Variants in CCDC73 observed in about 807,000 individuals in gnomAD.
CCDC73 encodes the protein coiled-coil domain containing 73.
Under a neutral mutation model 116.5 loss-of-function variants are expected in CCDC73, and 95 were observed. The observed-to-expected ratio is 0.82, with a 90% CI of 0.69 to 0.97. CCDC73 has a LOEUF of 0.97. Among genes scored for constraint, CCDC73 ranks in the 50% least tolerant of loss-of-function variants. CCDC73 has a pLI of 0.00. For synonymous variants in CCDC73, 398 were observed against 401.3 expected (o/e 0.99, Z 0.10); for missense variants, 1,066 against 1,206.8 (o/e 0.88, Z 1.73).
intron 2 of CCDC73, among the ~76,000 whole-genome samples, chr11:32,733,259 T>C (rs1365483848): frequency 6.6e-6 from 1 of 152,030 alleles, no homozygotes; most frequent in Non-Finnish European, 1.5e-5. Context: ...GAGCACCCAG[T>C]TTCATAAAGC....
At chr11:32,776,987 ATG>A (rs1192587784) in intron 1 of CCDC73, among the ~76,000 whole-genome samples, 683 of 39,230 alleles carry the variant, frequency 0.017, 9 homozygotes, top group South Asian at 0.061. Flanking sequence ...ATATATACAC[ATG>A]TATATATATA....
chr11:32,764,044 G>A (rs533599023), intron 1 of CCDC73, among the ~76,000 whole-genome samples: 1 of 152,290 alleles, frequency 6.6e-6, no homozygotes, highest in Admixed American at 6.5e-5. Context: ...GAAACAAAGC[G>A]AGAAGAGAAG....
chr11:32,607,800 A>G (rs1439211573), intron 17 of CCDC73, among the ~76,000 whole-genome samples: 1 of 105,286 alleles, frequency 9.5e-6, no homozygotes, highest in Non-Finnish European at 2.1e-5. Flanking sequence ...TAATAAAGAT[A>G]CTGGAGACTG....
intron 13 of CCDC73, among the ~76,000 whole-genome samples, chr11:32,637,219 G>A (rs910769325): frequency 3.3e-5 from 5 of 151,526 alleles, no homozygotes; most frequent in African/African-American, 4.8e-5. Context: ...CACTATGTTG[G>A]CCAGGCTGGT....
At chr11:32,740,355 C>T (rs1256589217) in intron 2 of CCDC73, among the ~76,000 whole-genome samples, 1 of 152,004 alleles carries the variant, frequency 6.6e-6, no homozygotes, top group Non-Finnish European at 1.5e-5. Flanking sequence ...CTTTTTACTA[C>T]AGCTTCTGCC....
chr11:32,788,838 C>G (rs1292291578), intron 1 of CCDC73, among the ~76,000 whole-genome samples: 2 of 152,040 alleles, frequency 1.3e-5, no homozygotes, highest in Non-Finnish European at 2.9e-5. Context: ...TAGTTTAACT[C>G]AAGGCATAGT....
At chr11:32,828,011 G>A in the CCDC73 span, among the ~76,000 whole-genome samples, 2 of 152,126 alleles carry the variant, frequency 1.3e-5, no homozygotes, top group Non-Finnish European at 2.9e-5. Flanking sequence ...CATAGAAATA[G>A]TTTAGACCAC....
chr11:32,759,972 T>G, intron 2 of CCDC73, 137 bp downstream of exon 2: 1 of 709,990 alleles, frequency 1.4e-6, no homozygotes, highest in East Asian at 2.8e-5. Context: ...TCCTATTCTC[T>G]TTTACTTCAT....
rs17855145 is a variant in CCDC73 at position 32,616,070 on chromosome 11, G to A, written c.1245C>T (p.Thr415=). The A allele has an allele frequency of 6.3e-7, 1 of 1,586,920 alleles. No homozygotes were observed. The change falls in exon 15 of 18, where the codon ACC becomes ACT. Residue 415 remains threonine, a synonymous_variant. Coordinates refer to ENST00000335185, the MANE Select transcript of CCDC73 (RefSeq NM_001008391.4). ...SEMSTEKSEN[T]IIQKYNTEQE... is the part of the protein sequence containing the mutation. ...GCTCAGTATTATATTTCTGTATAAT[G>A]GTGTTTTCTGATTTTTCAGTTGACA...
At chr11:32,675,705 C>T (rs1856081120) in intron 8 of CCDC73, 61 bp from the exon 9 acceptor site, 22 of 1,376,968 alleles carry the variant, frequency 1.6e-5, no homozygotes, top group Non-Finnish European at 2.1e-5. Context: ...AAGAAAGTAT[C>T]ATTAAGATAA....
chr11:32,824,083 C>T, the CCDC73 span, among the ~76,000 whole-genome samples: 7 of 151,936 alleles, frequency 4.6e-5, no homozygotes, highest in East Asian at 1.9e-4. Context: ...TTAGTGGAGA[C>T]GGGGTTTCAC....
At chr11:32,765,445 C>T (rs11031971) in intron 1 of CCDC73, among the ~76,000 whole-genome samples, 83,884 of 151,930 alleles carry the variant, frequency 0.55, 23,721 homozygotes, top group East Asian at 0.84. Context: ...AACTAGAACT[C>T]AGGATTAACA....
chr11:32,828,446 G>T, the CCDC73 span, among the ~76,000 whole-genome samples: 1 of 150,982 alleles, frequency 6.6e-6, no homozygotes, highest in African/African-American at 2.4e-5. Flanking sequence ...GGAGGCGAAG[G>T]TTACAGTAAG....
intron 1 of CCDC73, among the ~76,000 whole-genome samples, chr11:32,766,275 T>G (rs1012799308): frequency 9.2e-5 from 14 of 152,264 alleles, no homozygotes; most frequent in Middle Eastern, 3.4e-3. Flanking sequence ...TGCTAAAAAC[T>G]CTCAATAAAT....
chr11:32,821,661 C>T, the CCDC73 span, among the ~76,000 whole-genome samples: 1 of 152,078 alleles, frequency 6.6e-6, no homozygotes, highest in Non-Finnish European at 1.5e-5. Flanking sequence ...AGAATCTCTT[C>T]ATAAGTCATA....
At chr11:32,774,490 C>A (rs1850515813) in intron 1 of CCDC73, among the ~76,000 whole-genome samples, 1 of 152,030 alleles carries the variant, frequency 6.6e-6, no homozygotes, top group African/African-American at 2.4e-5. Flanking sequence ...AAAAGGATTT[C>A]AAAACTCACC....
At chr11:32,708,635 A>T (rs1849874420) in intron 3 of CCDC73, among the ~76,000 whole-genome samples, 1 of 151,996 alleles carries the variant, frequency 6.6e-6, no homozygotes, top group Non-Finnish European at 1.5e-5. Flanking sequence ...GGTTAGGTAT[A>T]TTCCTATGTT....
the CCDC73 span, among the ~76,000 whole-genome samples, chr11:32,829,451 T>C: frequency 5.9e-5 from 9 of 152,364 alleles, no homozygotes; most frequent in South Asian, 8.3e-4. Context: ...CGGACCACCA[T>C]TGGAGAACCA....
chr11:32,623,369 T>C (rs969037790), intron 14 of CCDC73, among the ~76,000 whole-genome samples: 1 of 152,150 alleles, frequency 6.6e-6, no homozygotes, highest in African/African-American at 2.4e-5. Flanking sequence ...TTTGTTTATT[T>C]GTTTTGTGAC....
Sources: gnomAD v4.1 joint callset for allele counts (sites outside exome capture counted in the v4.1 genomes callset) on GRCh38, gnomAD v4.1.1 for gene constraint, MANE v1.5 for transcripts, NCBI Gene and HGNC (gene_info 2026-07-23, HGNC 2026-07-21) for gene names.